Variants in MUC4 observed in about 807,000 individuals in gnomAD.
The protein encoded by MUC4 is mucin 4, cell surface associated.
Under a neutral mutation model 257.9 loss-of-function variants are expected in MUC4, and 202 were observed. The observed-to-expected ratio is 0.78, with a 90% CI of 0.70 to 0.88. The LOEUF is 0.88. MUC4 is among the 40% of genes least tolerant of loss of function. The pLI, the probability that MUC4 is intolerant of heterozygous loss-of-function variation, is 0.00. For synonymous variants in MUC4, 2,351 were observed against 2,757.1 expected (o/e 0.85, Z 4.62); for missense variants, 5,976 against 6,513.7 (o/e 0.92, Z 2.84).
intron 19 of MUC4, chr3:195,753,798 T>G: frequency 4.9e-6 from 1 of 202,048 alleles, no homozygotes; most frequent in East Asian, 1.2e-4. Context: ...ACTCGTGAGA[T>G]GCAGAGATCC....
chr3:195,803,787 C>T (rs1209113034), intron 1 of MUC4, among the ~76,000 whole-genome samples: 1 of 152,194 alleles, frequency 6.6e-6, no homozygotes, highest in African/African-American at 2.4e-5. Context: ...AAGCTGCGAG[C>T]TGCTCAGCTC....
intron 2 of MUC4, 83 bp from the exon 3 acceptor site, chr3:195,778,538 T>A: frequency 1.3e-6 from 2 of 1,558,198 alleles, no homozygotes; most frequent in Non-Finnish European, 1.7e-6. Flanking sequence ...AATCAGGAGC[T>A]GGAAGAGGGA....
intron 18 of MUC4, 114 bp from the exon 19 acceptor site, chr3:195,754,486 A>C: frequency 7.6e-7 from 1 of 1,314,638 alleles, no homozygotes; most frequent in Non-Finnish European, 1.0e-6. Context: ...GTCATGTCTC[A>C]GCCCCACCAG....
chr3:195,762,531 G>GGGCCCTGCACCGCCACGCACCC (rs1560245960), intron 13 of MUC4, among the ~76,000 whole-genome samples: 1 of 93,882 alleles, frequency 1.1e-5, no homozygotes, highest in African/African-American at 3.9e-5. Context: ...GCCACGCACC[G>GGGCCCTGCACCGCCACGCACCC]GGCCCTGCAC....
At chr3:195,808,078 C>T (rs866882110) in intron 1 of MUC4, among the ~76,000 whole-genome samples, 2 of 152,326 alleles carry the variant, frequency 1.3e-5, no homozygotes, top group South Asian at 4.1e-4. Flanking sequence ...CTTGCAAACC[C>T]ACAGGAAGCA....
chr3:195,804,693 C>T (rs1005731953), intron 1 of MUC4, among the ~76,000 whole-genome samples: 5 of 152,258 alleles, frequency 3.3e-5, no homozygotes, highest in Non-Finnish European at 5.9e-5. Context: ...AAGTGCCCAA[C>T]GGTAAGGATG....
rs1406510391 is a variant in MUC4, at chr3:195,790,628, T to G, written c.952A>C (p.Thr318Pro). The change falls in exon 2 of 25, where the codon ACA (threonine) becomes CCA (proline). Residue 318 changes from threonine (T) to proline (P), a missense_variant. Transcript: ENST00000463781. ...TGGTGGTTCTTAGAAAAAGCTGTTGTGTCCTGAGTAGAAGTCCTTGAGAAA... is the reference window on the plus strand; with the variant it reads ...TGGTGGTTCTTAGAAAAAGCTGTTGGGTCCTGAGTAGAAGTCCTTGAGAAA... ...ATFSRTSTQDTTAFSKNHQTQ... is the reference protein window; with the variant it reads ...ATFSRTSTQDPTAFSKNHQTQ... 6.2e-7 allele frequency: 1 copy of G among 1,613,928 alleles called. No homozygotes were observed.
At chr3:195,772,523 C>T (rs1447742457) in intron 4 of MUC4, among the ~76,000 whole-genome samples, 1 of 126,226 alleles carries the variant, frequency 7.9e-6, no homozygotes, top group African/African-American at 3.6e-5. Context: ...GTGTAGACAC[C>T]CTCCCTTCAT....
At position 195,762,258 on chromosome 3, in the gene MUC4, G is replaced by C. The variant is rs371588818; in HGVS notation, c.14345-4C>G. The C allele has an allele frequency of 5.1e-6, 8 of 1,570,022 alleles. No individual in the cohort carries two copies. In the Admixed American group the frequency reaches 1.3e-4, roughly 26 times the overall value. On this transcript the variant is annotated splice_polypyrimidine_tract_variant and splice_region_variant and intron_variant, in intron 13 of 24. Coordinates refer to ENST00000463781, the MANE Select transcript of MUC4 (RefSeq NM_018406.7). ...GTGGCGTTGAACGTCTCCTGGCCTG[G>C]AGCATCGGGAGGCAGCGGAGAGGAA...
chr3:195,758,931 G>T (rs995466361), intron 17 of MUC4, among the ~76,000 whole-genome samples, 193 bp downstream of exon 17: 35 of 152,008 alleles, frequency 2.3e-4, no homozygotes, highest in Admixed American at 6.6e-4. Flanking sequence ...CCGTAAGCCC[G>T]TCACTACTAC....
At position 195,786,097 on chromosome 3, in the gene MUC4, G is replaced by A. The variant is rs1012404768; in HGVS notation, c.5483C>T (p.Thr1828Ile). The A allele has an allele frequency of 1.3e-6, 2 of 1,540,804 alleles. No homozygotes were observed. Among genetic ancestry groups the A allele is most frequent in the African/African-American group, 1.5e-5 (1 of 66,302 alleles). Residue 1828 changes from threonine (T) to isoleucine (I), a missense_variant, in exon 2 of 25, where the codon ACC becomes ATC. Thr to Ile is a moderately conservative substitution (Grantham distance 89). Coordinates refer to ENST00000463781, the MANE Select transcript of MUC4 (RefSeq NM_018406.7). ...STGDTTPLPVTDASSASTGDT... is the reference protein window; with the variant it reads ...STGDTTPLPVIDASSASTGDT... ...ACCTGTGGATGCTGAGGAAGCGTCG[G>A]TGACAGGAAGAGGGGTGGTGTCACC... is the stretch of plus-strand genomic sequence containing the variant.
intron 16 of MUC4, among the ~76,000 whole-genome samples, chr3:195,760,173 A>G (rs940542037): frequency 2.0e-5 from 3 of 152,240 alleles, no homozygotes; most frequent in Admixed American, 6.5e-5. Flanking sequence ...TGTGAAAATT[A>G]TAAAATATGT....
rs765866156 is a variant in MUC4, at chr3:195,766,721, C to T, written c.13560G>A (p.Leu4520=). 1 of 1,614,192 alleles carries T rather than the reference C, an allele frequency of 6.2e-7. No individual in the cohort carries two copies. Among genetic ancestry groups the T allele is most frequent in the South Asian group, 1.1e-5 (1 of 91,092 alleles). Residue 4520 remains leucine, a synonymous_variant, in exon 8 of 25, where the codon CTG becomes CTA. Transcript: ENST00000463781. ...SGDGYFENSP[L]MSQPVWERYR... is the part of the protein sequence containing the mutation. ...ACCTCTCCCACACTGGCTGGGACATCAGTGGGCTGTTTTCGAAATAGCCAT... is the reference window on the plus strand; with the variant it reads ...ACCTCTCCCACACTGGCTGGGACATTAGTGGGCTGTTTTCGAAATAGCCAT...
At chr3:195,763,318 C>T in intron 12 of MUC4, 115 bp downstream of exon 12, 1 of 1,096,716 alleles carries the variant, frequency 9.1e-7, no homozygotes, top group Non-Finnish European at 1.2e-6. Flanking sequence ...CTGTGTCCTC[C>T]CTCCCTCCTG....
Position 195,749,085 on chromosome 3 carries a change from T to C in MUC4, c.15872-21A>G, listed in dbSNP as rs749769319. The C allele has an allele frequency of 1.9e-6, 3 of 1,607,718 alleles. No homozygotes were observed. In the Admixed American group the frequency reaches 5.1e-5, roughly 27 times the overall value. On this transcript the variant is annotated intron_variant, in intron 23 of 24. Coordinates refer to ENST00000463781, the MANE Select transcript of MUC4 (RefSeq NM_018406.7). ...GTTCACTGTCGGGAAGGACACAGAT[T>C]AACACAGAAAGCAACCGATGAACAC...
chr3:195,747,518 G>T (rs1193429130), intron 24 of MUC4, 138 bp from the exon 25 acceptor site: 17 of 1,073,614 alleles, frequency 1.6e-5, no homozygotes, highest in South Asian at 9.1e-5. Flanking sequence ...AGTCAGCCCT[G>T]AGGCCGTGCT....
In MUC4 at chr3:195,788,966, A is replaced by T; in HGVS notation, c.2614T>A (p.Phe872Ile). The T allele has an allele frequency of 6.2e-7, 1 of 1,613,620 alleles. No individual in the cohort carries two copies. Among genetic ancestry groups the T allele is most frequent in the Non-Finnish European group, 8.5e-7 (1 of 1,179,766 alleles). Reference protein sequence around the residue: ...GMASSIVPGTFHPTLSEASTA... With the variant: ...GMASSIVPGTIHPTLSEASTA... Reference sequence around the variant, plus strand: ...GAGGCCTCAGAGAGGGTGGGATGAAAGGTGCCGGGGACGATCGAAGACGCC... The same window carrying T: ...GAGGCCTCAGAGAGGGTGGGATGAATGGTGCCGGGGACGATCGAAGACGCC... The change falls in exon 2 of 25, where the codon TTT becomes ATT. Residue 872 changes from phenylalanine (F) to isoleucine (I), a missense_variant. By Grantham distance (21) the Phe-to-Ile change is conservative. Transcript: ENST00000463781.
intron 24 of MUC4, among the ~76,000 whole-genome samples, chr3:195,747,843 A>T (rs181147436): frequency 4.0e-3 from 610 of 152,200 alleles, no homozygotes; most frequent in African/African-American, 0.014. Context: ...CCTGGGGGAC[A>T]GAGCAAGACT....
chr3:195,787,904 A>C lies in MUC4; in HGVS notation c.3676T>G (p.Ser1226Ala). Residue 1226 changes from serine to alanine, a missense_variant, in exon 2 of 25, where the codon TCC becomes GCC. Ser to Ala is a moderately conservative substitution (Grantham distance 99). Transcript: ENST00000463781. ...PLPVTDASSV[S>A]TDHATSLPVT... is the part of the protein sequence containing the mutation. ...GGAAGAGAGGTGGCGTGATCTGTGGACACTGAGGAAGCGTCGGTGACAGGA... is the reference window on the plus strand; with the variant it reads ...GGAAGAGAGGTGGCGTGATCTGTGGCCACTGAGGAAGCGTCGGTGACAGGA... 1.2e-6 allele frequency: 1 copy of C among 812,826 alleles called. No individual in the cohort carries two copies. The highest frequency in any genetic ancestry group is 1.8e-6 in the Non-Finnish European group (1 of 569,108). The allele number at this position is 812,826 out of a possible 1,614,324, so 50.4% of individuals were successfully genotyped here. A position where few individuals can be genotyped will look rare whatever the true frequency, so the allele number is the denominator to read the frequency against.
Sources: allele counts gnomAD v4.1 joint callset (sites outside exome capture counted in the v4.1 genomes callset), GRCh38; gene constraint gnomAD v4.1.1; transcripts MANE v1.5; gene names NCBI Gene and HGNC (gene_info 2026-07-23, HGNC 2026-07-21).